Variants in SGK2 observed in about 807,000 individuals in gnomAD.
SGK2 encodes serum/glucocorticoid regulated kinase 2, also known as serine/threonine-protein kinase Sgk2.
Under a neutral mutation model 47.5 loss-of-function variants are expected in SGK2, and 36 were observed. The ratio of observed to expected loss-of-function variants is 0.76; its 90% confidence interval spans 0.58 to 1.00. The LOEUF is 1.00. Among genes scored for constraint, SGK2 ranks in the 50% least tolerant of loss-of-function variants. SGK2 has a pLI of 0.00. For missense variants in SGK2, 404 were observed against 467.4 expected (o/e 0.86, Z 1.25); for synonymous variants, 157 against 181.9 (o/e 0.86, Z 1.10).
chr20:43,565,260 C>T (rs3827067), intron 1 of SGK2: 1 of 152,250 alleles, frequency 6.6e-6, no homozygotes, highest in Non-Finnish European at 1.5e-5. Context: ...TGCTGGTTCT[C>T]CTAGAGGCCT....
chr20:43,571,865 G>A (rs535122788), intron 8 of SGK2, among the ~76,000 whole-genome samples, 186 bp from the exon 9 acceptor site: 25 of 152,290 alleles, frequency 1.6e-4, no homozygotes, highest in South Asian at 6.2e-4. Flanking sequence ...ATGCCCACCC[G>A]GCCCCCTGTG....
chr20:43,564,675 CACAT>C (rs1281750751), intron 1 of SGK2: 2 of 152,584 alleles, frequency 1.3e-5, no homozygotes, highest in East Asian at 3.8e-4. Context: ...ACAGCATATT[CACAT>C]ACAAAGATAC....
At chr20:43,569,553 T>C (rs1979971545) in intron 6 of SGK2, 37 bp downstream of exon 6, 1 of 1,606,718 alleles carries the variant, frequency 6.2e-7, no homozygotes, top group Non-Finnish European at 8.5e-7. Context: ...CTGGGCTGGC[T>C]CTCGGCTGGG....
At chr20:43,583,185 T>C (rs2145562153) in intron 12 of SGK2, 1 of 1,289,358 alleles carries the variant, frequency 7.8e-7, no homozygotes, top group Non-Finnish European at 1.0e-6. Context: ...TCAGATAGGA[T>C]ACACTCGGGC....
intron 2 of SGK2, 69 bp from the exon 3 acceptor site, chr20:43,566,999 C>T: frequency 3.8e-6 from 5 of 1,313,950 alleles, no homozygotes; most frequent in Admixed American, 3.4e-5. Flanking sequence ...GGGATCAGGG[C>T]CTGGGCCAGG....
intron 8 of SGK2, 26 bp downstream of exon 8, chr20:43,571,086 TG>T: frequency 1.2e-6 from 2 of 1,609,464 alleles, no homozygotes; most frequent in African/African-American, 2.7e-5. Context: ...TGTGTGTGTG[TG>T]TGTGTGTGTG....
At chr20:43,578,095 T>G (rs1006869487) in intron 11 of SGK2, among the ~76,000 whole-genome samples, 2 of 152,230 alleles carry the variant, frequency 1.3e-5, no homozygotes, top group African/African-American at 4.8e-5. Flanking sequence ...TAATCCTACT[T>G]TTTTTATTCA....
intron 8 of SGK2, 138 bp from the exon 9 acceptor site, chr20:43,571,913 G>C: frequency 1.6e-6 from 1 of 632,078 alleles, no homozygotes; most frequent in Non-Finnish European, 2.9e-6. Flanking sequence ...CTGTGTTGGA[G>C]TGGAGCCTCC....
rs1403048208 is a variant in SGK2 at position 43,584,965 on chromosome 20, A to C, written c.1053A>C (p.Ala351=). Residue 351 remains alanine, a synonymous_variant, in exon 13 of 13, where the codon GCA becomes GCC. Coordinates refer to ENST00000373100, the MANE Select transcript of SGK2 (RefSeq NM_170693.3). ...TVASSSGASS[A]FLGFSYAPED... ...CCAGCAGCTCTGGGGCCTCAAGTGCATTCCTGGGATTTTCTTATGCGCCAG... is the reference window on the plus strand; with the variant it reads ...CCAGCAGCTCTGGGGCCTCAAGTGCCTTCCTGGGATTTTCTTATGCGCCAG... 3.1e-6 allele frequency: 5 copies of C among 1,614,046 alleles called. No homozygotes were observed. The highest frequency in any genetic ancestry group is 1.3e-5 in the African/African-American group (1 of 74,924).
chr20:43,575,904 C>T (rs1980433069), intron 10 of SGK2, among the ~76,000 whole-genome samples: 1 of 152,212 alleles, frequency 6.6e-6, no homozygotes. Context: ...AAAATTACAA[C>T]TCTCTTGGAG....
At position 43,580,929 on chromosome 20, in the gene SGK2, G is replaced by T. The variant is rs183455101; in HGVS notation, c.939+868G>T. On this transcript the variant is annotated intron_variant, in intron 12 of 12. Transcript: ENST00000373100. ...CTCACTCTGTTGCCCAGGCTGGAGT[G>T]CAGTGGCACAATCTCGGCTCACTGT... is the stretch of plus-strand genomic sequence containing the variant. 1.0e-3 allele frequency among the ~76,000 whole-genome samples: 152 copies of T among 151,700 alleles called. 2 individuals are homozygous for T. The highest frequency in any genetic ancestry group is 3.3e-3 in the African/African-American group (136 of 41,382).
Position 43,572,315 on chromosome 20 carries a change from G to GT in SGK2, c.597+178_597+179insT, listed in dbSNP as rs1282924699. Among the ~76,000 whole-genome samples the GT allele has an allele frequency of 2.0e-5, 3 of 152,194 alleles. No individual in the cohort carries two copies. The highest frequency in any genetic ancestry group is 4.4e-5 in the Non-Finnish European group (3 of 68,034). On this transcript the variant is annotated intron_variant, in intron 9 of 12. Coordinates refer to ENST00000373100, the MANE Select transcript of SGK2 (RefSeq NM_170693.3). This position sits in a 1 kb window ranked among gnomAD's most constrained non-coding sequence, Gnocchi z 4.2. ...TATGTAATGGGGGTACCAGCTCTAG[G>GT]ACTGCTGAGACCCAGCCAGCTAGCT...
At chr20:43,578,392 C>T (rs1309384797) in intron 11 of SGK2, among the ~76,000 whole-genome samples, 2 of 151,942 alleles carry the variant, frequency 1.3e-5, no homozygotes, top group African/African-American at 4.8e-5. Context: ...GGCTGAGACA[C>T]AAGAATTGCT....
In SGK2 at chr20:43,571,075, G is replaced by C; in HGVS notation, c.510+15G>C. ...TGGACTGCCAGGTTGGTGTGTGTGT[G>C]TGTGTGTGTGTGTGTGTGTGTGTGT... is the stretch of plus-strand genomic sequence containing the variant. On this transcript the variant is annotated intron_variant, in intron 8 of 12. Coordinates refer to ENST00000373100, the MANE Select transcript of SGK2 (RefSeq NM_170693.3). 6.3e-7 allele frequency: 1 copy of C among 1,582,030 alleles called. No homozygotes were observed. Among genetic ancestry groups the C allele is most frequent in the South Asian group, 1.1e-5 (1 of 89,224 alleles).
At chr20:43,570,389 G>A (rs761530821) in intron 6 of SGK2, among the ~76,000 whole-genome samples, 9 of 152,208 alleles carry the variant, frequency 5.9e-5, no homozygotes, top group Admixed American at 1.3e-4. Context: ...CTTGGAACCT[G>A]GAACACAGGA....
rs1202259412 is a variant in SGK2, at chr20:43,572,098, G to T, written c.558G>T (p.Glu186Asp). 20 of 1,549,794 alleles carry T rather than the reference G, an allele frequency of 1.3e-5. 1 individual carries two copies. The South Asian group carries it at 2.4e-4, about 18-fold the overall frequency. ...TDFGLCKEGV[E>D]PEDTTSTFCG... ...TTGGCCTCTGCAAGGAAGGTGTAGAGCCTGAAGACACCACATCCACATTCT... is the reference window on the plus strand; with the variant it reads ...TTGGCCTCTGCAAGGAAGGTGTAGATCCTGAAGACACCACATCCACATTCT... The change falls in exon 9 of 13, where the codon GAG (glutamate) becomes GAT (aspartate). Residue 186 changes from glutamate (E) to aspartate (D), a missense_variant. By Grantham distance (45) the Glu-to-Asp change is conservative. Coordinates refer to ENST00000373100, the MANE Select transcript of SGK2 (RefSeq NM_170693.3). The surrounding 1 kb of genome is among the most constrained non-coding windows in gnomAD (Gnocchi z 4.2).
chr20:43,569,357 A>T, intron 5 of SGK2, 28 bp from the exon 6 acceptor site: 1 of 1,612,622 alleles, frequency 6.2e-7, no homozygotes, highest in South Asian at 1.1e-5. Context: ...GGGCTGTGAC[A>T]TGGACCCCTC....
intron 12 of SGK2, among the ~76,000 whole-genome samples, chr20:43,581,594 C>T (rs1486550360): frequency 6.6e-6 from 1 of 152,004 alleles, no homozygotes; most frequent in East Asian, 1.9e-4. Flanking sequence ...GTTCGATCGC[C>T]CATGTTGGAG....
chr20:43,574,857 G>A, intron 9 of SGK2, 52 bp from the exon 10 acceptor site: 1 of 1,394,124 alleles, frequency 7.2e-7, no homozygotes. Flanking sequence ...TTACAGCTGG[G>A]GCAACTGAGG....
Sources: gnomAD v4.1 joint callset for allele counts (sites outside exome capture counted in the v4.1 genomes callset) on GRCh38, gnomAD v4.1.1 for gene constraint, Gnocchi (gnomAD v3.1) non-coding constraint, MANE v1.5 for transcripts, NCBI Gene and HGNC (gene_info 2026-07-23, HGNC 2026-07-21) for gene names.